Variants in TXNDC11 observed in about 807,000 individuals in gnomAD.
The protein encoded by TXNDC11 is thioredoxin domain-containing protein 11.
TXNDC11 carries 68 observed loss-of-function variants against 78.0 expected under a neutral mutation model. That is an observed-to-expected ratio of 0.87 (90% CI 0.72 to 1.07). TXNDC11 has a LOEUF of 1.07. Among genes scored for constraint, TXNDC11 ranks in the 50% least tolerant of loss-of-function variants. The pLI is 0.00. For synonymous variants in TXNDC11, 571 were observed against 495.2 expected, an observed-to-expected ratio of 1.15 and a Z score of -2.03; for missense variants, 1,389 against 1,221.8, an observed-to-expected ratio of 1.14 and a Z score of -2.04.
intron 3 of TXNDC11, among the ~76,000 whole-genome samples, chr16:11,732,767 C>T (rs571592513): frequency 2.6e-5 from 4 of 152,254 alleles, no homozygotes; most frequent in African/African-American, 9.6e-5. Flanking sequence ...GTTTATGTTA[C>T]AGACACGGAA....
intron 10 of TXNDC11, among the ~76,000 whole-genome samples, 156 bp downstream of exon 10, chr16:11,687,701 G>A (rs906116332): frequency 6.6e-6 from 1 of 152,228 alleles, no homozygotes; most frequent in African/African-American, 2.4e-5. Flanking sequence ...TTTCAAAGAG[G>A]CTTTGCTCAT....
At chr16:11,725,034 G>A (rs182247132) in intron 4 of TXNDC11, among the ~76,000 whole-genome samples, 221 of 152,210 alleles carry the variant, frequency 1.5e-3, no homozygotes, top group African/African-American at 4.7e-3. Flanking sequence ...TGTGAGCCAC[G>A]GGGCCCAGTC....
At chr16:11,737,406 T>C (rs967158655) in intron 1 of TXNDC11, among the ~76,000 whole-genome samples, 6 of 148,954 alleles carry the variant, frequency 4.0e-5, no homozygotes, top group East Asian at 2.0e-4. Flanking sequence ...GATTGCACCA[T>C]TGCACTCCAG....
chr16:11,687,590 T>C (rs1453621695), intron 10 of TXNDC11, among the ~76,000 whole-genome samples: 1 of 152,216 alleles, frequency 6.6e-6, no homozygotes, highest in East Asian at 1.9e-4. Flanking sequence ...ACCAGGTCAG[T>C]GCTCTCCCCA....
chr16:11,709,277 A>G (rs1237654822), intron 5 of TXNDC11, among the ~76,000 whole-genome samples: 2 of 69,666 alleles, frequency 2.9e-5, no homozygotes, highest in Non-Finnish European at 3.7e-5. Context: ...TTTGAGACAG[A>G]GTCTCGCACT....
At position 11,730,745 on chromosome 16, in the gene TXNDC11, A is replaced by T. The variant is rs2052020859; in HGVS notation, c.599T>A (p.Met200Lys). The change falls in exon 4 of 12, where the codon ATG becomes AAG. Residue 200 changes from methionine to lysine, a missense_variant. Coordinates refer to ENST00000283033, the MANE Select transcript of TXNDC11 (RefSeq NM_015914.7). ...AAACTTCTCAATGTAAACAGCACTC[A>T]TGGGGCCTTTGTATTCGATTGGTCC... ...SFGPIEYKGP[M>K]SAVYIEKFVR... The T allele has an allele frequency of 1.9e-6, 3 of 1,609,304 alleles. No individual in the cohort carries two copies. The highest frequency in any genetic ancestry group is 4.5e-5 in the East Asian group (2 of 44,854).
chr16:11,703,561 A>C, intron 5 of TXNDC11: 1 of 594,924 alleles, frequency 1.7e-6, no homozygotes, highest in Non-Finnish European at 3.1e-6. Flanking sequence ...GAGAGAGGGG[A>C]TGGATAGAGA....
chr16:11,679,521 G>C lies in TXNDC11; in HGVS notation c.2551C>G (p.Leu851Val), dbSNP rs2050360315. ...AGCTGCTCACTGTGTGCGTGGAGCA[G>C]GCTGTGCTGCTCTTCCAGGGCCCGC... is the stretch of plus-strand genomic sequence containing the variant. Reference protein sequence around the residue: ...QQRALEEQHSLLHAHSEQLQA... With the variant: ...QQRALEEQHSVLHAHSEQLQA... Residue 851 changes from leucine (L) to valine (V), a missense_variant, in exon 12 of 12, where the codon CTG (leucine) becomes GTG (valine). Leu to Val is a conservative substitution (Grantham distance 32). Transcript: ENST00000283033. The surrounding 1 kb of genome is among the most constrained non-coding windows in gnomAD (Gnocchi z 4.6). 3 of 1,613,296 alleles carry C rather than the reference G, an allele frequency of 1.9e-6. No homozygotes were observed. In the African/African-American group the frequency reaches 4.0e-5, roughly 22 times the overall value.
rs1415317091 is a variant in TXNDC11, at chr16:11,730,627, G to C, written c.699+18C>G. ...GAAAGGCCTTGAGTATGGAGGAGGA[G>C]ATATGAAAGACAAGTACCTCGTAGT... is the stretch of plus-strand genomic sequence containing the variant. On this transcript the variant is annotated intron_variant, in intron 4 of 11. Coordinates refer to ENST00000283033, the MANE Select transcript of TXNDC11 (RefSeq NM_015914.7). The C allele has an allele frequency of 1.2e-6, 2 of 1,612,558 alleles. No homozygotes were observed. Among genetic ancestry groups the C allele is most frequent in the South Asian group, 1.1e-5 (1 of 90,950 alleles).
intron 5 of TXNDC11, among the ~76,000 whole-genome samples, chr16:11,709,051 C>T (rs1020940052): frequency 1.3e-5 from 2 of 152,070 alleles, no homozygotes; most frequent in Non-Finnish European, 2.9e-5. Context: ...TGTAACATTA[C>T]AGAAATGCTT....
intron 5 of TXNDC11, among the ~76,000 whole-genome samples, chr16:11,701,218 C>A (rs541706268): frequency 7.0e-6 from 1 of 143,676 alleles, no homozygotes; most frequent in Admixed American, 7.5e-5. Flanking sequence ...CTCACTACAA[C>A]CTCCGTCTCA....
intron 3 of TXNDC11, among the ~76,000 whole-genome samples, chr16:11,731,547 G>A (rs1186011436): frequency 1.3e-5 from 2 of 152,148 alleles, no homozygotes; most frequent in Non-Finnish European, 2.9e-5. Context: ...GGGGGGTTAT[G>A]GTGAAATTCA....
chr16:11,684,042 C>T lies in TXNDC11; in HGVS notation c.2234+123G>A, dbSNP rs556703896. On this transcript the variant is annotated intron_variant, in intron 11 of 11. Coordinates refer to ENST00000283033, the MANE Select transcript of TXNDC11 (RefSeq NM_015914.7). ...CTGGGATTACAGGCATGAGCCACCA[C>T]GCCTGGTTCCTAAGGGAACATTTTT... 5.6e-5 allele frequency: 37 copies of T among 655,610 alleles called. No individual in the cohort carries two copies. The East Asian group carries it at 6.8e-4, about 12-fold the overall frequency. The allele number at this position is 655,610 out of a possible 1,614,324, so 40.6% of individuals were successfully genotyped here. A position where few individuals can be genotyped will look rare whatever the true frequency, so the allele number is the denominator to read the frequency against.
At chr16:11,733,107 A>G (rs1458730330) in intron 3 of TXNDC11, among the ~76,000 whole-genome samples, 1 of 152,076 alleles carries the variant, frequency 6.6e-6, no homozygotes, top group East Asian at 1.9e-4. Context: ...GAATACAAAA[A>G]TTAGCCGGGC....
chr16:11,716,996 T>C (rs2051544137), intron 5 of TXNDC11, among the ~76,000 whole-genome samples: 1 of 151,020 alleles, frequency 6.6e-6, no homozygotes, highest in East Asian at 1.9e-4. Flanking sequence ...GAGGGAAAAA[T>C]CAACTGTGCT....
intron 4 of TXNDC11, among the ~76,000 whole-genome samples, chr16:11,728,156 T>C (rs2051939099): frequency 6.6e-6 from 1 of 152,210 alleles, no homozygotes; most frequent in African/African-American, 2.4e-5. Flanking sequence ...TATTCAACCA[T>C]CAAAACCATG....
In TXNDC11 at chr16:11,742,789, G is replaced by A. The variant is rs999086484; in HGVS notation, c.-59C>T. The stretch of plus-strand genomic sequence containing the variant: ...CCGCCGCCTCGGGCCCGAAGGCCCG[G>A]CCCGGCCCGTTGCTCCCCAATCCCG... On this transcript the variant is annotated 5_prime_UTR_variant, in exon 1 of 12. Coordinates refer to ENST00000283033, the MANE Select transcript of TXNDC11 (RefSeq NM_015914.7). 34 of 1,396,844 alleles carry A rather than the reference G, an allele frequency of 2.4e-5. No homozygotes were observed. Among genetic ancestry groups the A allele is most frequent in the African/African-American group, 4.5e-5 (3 of 66,614 alleles). 86.5% of individuals were successfully genotyped at this position (1,396,844 alleles called of 1,614,324 possible). A position where few individuals can be genotyped will look rare whatever the true frequency, so the allele number is the denominator to read the frequency against.
chr16:11,729,653 C>G (rs1051636008), intron 4 of TXNDC11, among the ~76,000 whole-genome samples: 2 of 152,080 alleles, frequency 1.3e-5, no homozygotes, highest in Admixed American at 6.6e-5. Flanking sequence ...TTTGTTGTAC[C>G]TAAGTATCAT....
chr16:11,730,499 A>T (rs1294959310), intron 4 of TXNDC11, 146 bp downstream of exon 4: 3 of 742,710 alleles, frequency 4.0e-6, no homozygotes, highest in East Asian at 2.6e-5. Flanking sequence ...TATCTCAAAA[A>T]GCATTTAACT....
Sources: allele counts gnomAD v4.1 joint callset (sites outside exome capture counted in the v4.1 genomes callset), GRCh38; gene constraint gnomAD v4.1.1; non-coding constraint Gnocchi (gnomAD v3.1); transcripts MANE v1.5; gene names NCBI Gene and HGNC (gene_info 2026-07-23, HGNC 2026-07-21).